The following CNTN5 variants were observed in gnomAD, a reference collection of about 807,000 sequenced individuals.
The protein encoded by CNTN5 is contactin 5, also known as contactin-5.
A neutral mutation model predicts 129.1 loss-of-function variants in CNTN5; 77 were observed. That is an observed-to-expected ratio of 0.60 (90% CI 0.50 to 0.72). CNTN5 has a LOEUF of 0.72. Among genes scored for constraint, CNTN5 ranks in the 30% least tolerant of loss-of-function variants. The pLI, the probability that CNTN5 is intolerant of heterozygous loss-of-function variation, is 0.00. For synonymous variants in CNTN5, 509 were observed against 465.6 expected, an observed-to-expected ratio of 1.09 and a Z score of -1.20; for missense variants, 1,478 against 1,328.8, an observed-to-expected ratio of 1.11 and a Z score of -1.75.
intron 1 of CNTN5, among the ~76,000 whole-genome samples, chr11:99,289,364 T>C (rs909968238): frequency 6.6e-6 from 1 of 151,840 alleles, no homozygotes; most frequent in Non-Finnish European, 1.5e-5. Flanking sequence ...TAGTCTCTTA[T>C]ATTTTAATAT....
intron 7 of CNTN5, among the ~76,000 whole-genome samples, chr11:99,919,164 G>A (rs369986009): frequency 3.9e-5 from 6 of 152,214 alleles, no homozygotes; most frequent in East Asian, 1.9e-4. Context: ...CTGTCTTTAC[G>A]TGCTCTTTTT....
intron 6 of CNTN5, among the ~76,000 whole-genome samples, chr11:99,883,271 GT>G (rs1243875764): frequency 1.3e-5 from 2 of 152,150 alleles, no homozygotes; most frequent in East Asian, 1.9e-4. Flanking sequence ...TCAGTTTTTA[GT>G]TTTTTTGAGG....
At chr11:100,021,737 C>T (rs944717903) in intron 9 of CNTN5, among the ~76,000 whole-genome samples, 4 of 152,094 alleles carry the variant, frequency 2.6e-5, no homozygotes, top group African/African-American at 4.8e-5. Flanking sequence ...CCACAGTAGG[C>T]CATCTGCAAG....
At chr11:100,013,526 C>T (rs1160319491) in intron 9 of CNTN5, among the ~76,000 whole-genome samples, 1 of 152,148 alleles carries the variant, frequency 6.6e-6, no homozygotes, top group Non-Finnish European at 1.5e-5. Flanking sequence ...TCTACCTTGT[C>T]CTGGATGGTT....
At chr11:99,423,986 G>A (rs1943009947) in intron 2 of CNTN5, among the ~76,000 whole-genome samples, 1 of 152,142 alleles carries the variant, frequency 6.6e-6, no homozygotes, top group Admixed American at 6.5e-5. Flanking sequence ...TGGGTCATAA[G>A]TTCCAAGAAC....
intron 3 of CNTN5, among the ~76,000 whole-genome samples, chr11:99,711,389 A>G (rs1431848802): frequency 2.0e-5 from 3 of 152,068 alleles, no homozygotes; most frequent in South Asian, 2.1e-4. Context: ...TTTACTTAGA[A>G]TTTAGCAAAA....
At chr11:100,182,176 A>C (rs180866984) in intron 13 of CNTN5, among the ~76,000 whole-genome samples, 54 of 152,232 alleles carry the variant, frequency 3.5e-4, no homozygotes, top group African/African-American at 1.3e-3. Context: ...TTGATTTTTA[A>C]CAGTGATGTA....
chr11:99,440,558 C>A (rs1257732458), intron 2 of CNTN5, among the ~76,000 whole-genome samples: 1 of 152,140 alleles, frequency 6.6e-6, no homozygotes, highest in South Asian at 2.1e-4. Flanking sequence ...TAGATAATCA[C>A]TAGTTGGGCA....
intron 13 of CNTN5, among the ~76,000 whole-genome samples, chr11:100,121,688 T>G (rs1042303223): frequency 6.6e-6 from 1 of 152,030 alleles, no homozygotes; most frequent in African/African-American, 2.4e-5. Flanking sequence ...ATTTACCATG[T>G]GCCAGGCACT....
intron 7 of CNTN5, among the ~76,000 whole-genome samples, chr11:99,918,893 A>G (rs1253651993): frequency 6.6e-6 from 1 of 152,012 alleles, no homozygotes; most frequent in Non-Finnish European, 1.5e-5. Flanking sequence ...TCTGTAAATT[A>G]CCCCTCCCAT....
intron 13 of CNTN5, among the ~76,000 whole-genome samples, chr11:100,184,646 C>A (rs1026750634): frequency 6.6e-6 from 1 of 152,098 alleles, no homozygotes; most frequent in Non-Finnish European, 1.5e-5. Context: ...AGACTGTAAG[C>A]AGAAAATCCA....
chr11:99,553,184 T>C (rs11220431), intron 2 of CNTN5, among the ~76,000 whole-genome samples: 7,508 of 152,184 alleles, frequency 0.049, 416 homozygotes, highest in East Asian at 0.25. Context: ...TTGAAATAAG[T>C]TATTTTAAAA....
intron 8 of CNTN5, among the ~76,000 whole-genome samples, chr11:99,980,923 G>T (rs1938288476): frequency 6.6e-6 from 1 of 151,564 alleles, no homozygotes; most frequent in African/African-American, 2.4e-5. Context: ...TTTAATGATT[G>T]AAGTATAAAC....
At chr11:99,894,881 A>G (rs1045591735) in intron 6 of CNTN5, among the ~76,000 whole-genome samples, 1 of 152,352 alleles carries the variant, frequency 6.6e-6, no homozygotes, top group Admixed American at 6.5e-5. Context: ...CTGAAAAAAC[A>G]TAGGAAGACA....
intron 1 of CNTN5, among the ~76,000 whole-genome samples, chr11:99,087,864 C>T (rs1302597371): frequency 6.6e-6 from 1 of 152,140 alleles, no homozygotes; most frequent in Non-Finnish European, 1.5e-5. Context: ...AGTCTTCTTC[C>T]TGCAGATTCA....
intron 3 of CNTN5, among the ~76,000 whole-genome samples, chr11:99,737,041 C>T (rs534702876): frequency 7.9e-5 from 12 of 152,180 alleles, no homozygotes; most frequent in Middle Eastern, 3.4e-3. Flanking sequence ...TGCCTTCTGT[C>T]GTCAAGTTTC....
At chr11:100,355,447 AAGTAGG>A (rs1451191942) in intron 24 of CNTN5, among the ~76,000 whole-genome samples, 18 of 151,762 alleles carry the variant, frequency 1.2e-4, no homozygotes, top group African/African-American at 4.3e-4. Context: ...GTTATTCTGT[AAGTAGG>A]AGTACACTAA....
At chr11:99,581,817 C>T (rs1220675160) in intron 3 of CNTN5, among the ~76,000 whole-genome samples, 1 of 152,122 alleles carries the variant, frequency 6.6e-6, no homozygotes, top group Non-Finnish European at 1.5e-5. Context: ...AGCATTTAGC[C>T]CATTTACATT....
chr11:99,698,835 G>A (rs934069182), intron 3 of CNTN5, among the ~76,000 whole-genome samples: 1 of 150,508 alleles, frequency 6.6e-6, no homozygotes, highest in Non-Finnish European at 1.5e-5. Context: ...AAAGAGCAAA[G>A]CTGTGAATCT....
Sources: gnomAD v4.1 joint callset for allele counts (sites outside exome capture counted in the v4.1 genomes callset) on GRCh38, gnomAD v4.1.1 for gene constraint, MANE v1.5 for transcripts, NCBI Gene and HGNC (gene_info 2026-07-23, HGNC 2026-07-21) for gene names.